The following RBFOX1 variants were observed in gnomAD, a reference collection of about 807,000 sequenced individuals.
RBFOX1 encodes RNA binding fox-1 homolog 1, also known as RNA binding protein fox-1 homolog 1.
Under a neutral mutation model 57.7 loss-of-function variants are expected in RBFOX1, and 8 were observed. The ratio of observed to expected loss-of-function variants is 0.14; its 90% confidence interval spans 0.08 to 0.25. The LOEUF (loss-of-function observed/expected upper bound fraction) is 0.25, where lower values mean the gene tolerates loss of function less well. Ranked by LOEUF, RBFOX1 falls within the 10% of genes least tolerant of loss-of-function variation. RBFOX1 has a pLI of 1.00. For missense variants in RBFOX1, 611 were observed against 548.5 expected (o/e 1.11, Z -1.14); for synonymous variants, 326 against 222.4 (o/e 1.47, Z -4.15).
chr16:7,403,243 C>G (rs778739730), intron 4 of RBFOX1, among the ~76,000 whole-genome samples: 1 of 152,146 alleles, frequency 6.6e-6, no homozygotes, highest in Non-Finnish European at 1.5e-5. Context: ...GGTGAGATCA[C>G]TTAGAATCTA....
At chr16:6,546,449 G>T (rs1157799248) in intron 2 of RBFOX1, among the ~76,000 whole-genome samples, 1 of 152,200 alleles carries the variant, frequency 6.6e-6, no homozygotes, top group Non-Finnish European at 1.5e-5. Flanking sequence ...TCTGAAACCT[G>T]TAAGGGAATT....
At chr16:7,351,714 GC>G (rs1470488158) in intron 4 of RBFOX1, among the ~76,000 whole-genome samples, 1 of 152,014 alleles carries the variant, frequency 6.6e-6, no homozygotes, top group African/African-American at 2.4e-5. Flanking sequence ...ACTCTCCCAT[GC>G]CCTAAATACC....
chr16:7,244,890 C>T (rs752783600), intron 4 of RBFOX1, among the ~76,000 whole-genome samples: 8 of 152,116 alleles, frequency 5.3e-5, no homozygotes, highest in South Asian at 2.1e-4. Flanking sequence ...AGAAAAGCTC[C>T]GTATCCCAAG....
intron 3 of RBFOX1, among the ~76,000 whole-genome samples, chr16:6,807,721 C>G (rs543895023): frequency 6.6e-6 from 1 of 152,094 alleles, no homozygotes; most frequent in East Asian, 1.9e-4. Flanking sequence ...GAGGCTAAGG[C>G]AGAAGAATCA....
chr16:5,683,586 C>T (rs901845179), intron 3 of RBFOX1, among the ~76,000 whole-genome samples: 3 of 152,070 alleles, frequency 2.0e-5, no homozygotes, highest in Admixed American at 6.6e-5. Context: ...CCACATCTTT[C>T]TCCCATGCTG....
At chr16:6,737,048 C>T (rs1479178230) in intron 3 of RBFOX1, among the ~76,000 whole-genome samples, 1 of 152,186 alleles carries the variant, frequency 6.6e-6, no homozygotes, top group African/African-American at 2.4e-5. Flanking sequence ...ATTCAGTGAA[C>T]ATCTACCATG....
intron 4 of RBFOX1, among the ~76,000 whole-genome samples, chr16:5,972,422 C>G (rs1313676720): frequency 6.6e-6 from 1 of 152,162 alleles, no homozygotes; most frequent in Non-Finnish European, 1.5e-5. Flanking sequence ...TGAAAGAAAC[C>G]TCTCATTATG....
At chr16:6,861,486 C>CA (rs2058987770) in intron 3 of RBFOX1, among the ~76,000 whole-genome samples, 1 of 118,902 alleles carries the variant, frequency 8.4e-6, no homozygotes. Context: ...TCCCAACCCC[C>CA]TCCCCCCCCG....
intron 13 of RBFOX1, among the ~76,000 whole-genome samples, chr16:7,666,031 C>A (rs1160805836): frequency 3.9e-5 from 6 of 152,214 alleles, no homozygotes; most frequent in South Asian, 2.1e-4. Flanking sequence ...AATGAGTGAA[C>A]AACCCATATG....
intron 1 of RBFOX1, among the ~76,000 whole-genome samples, chr16:6,252,798 C>G (rs1045634509): frequency 2.6e-5 from 4 of 152,108 alleles, no homozygotes; most frequent in African/African-American, 9.7e-5. Context: ...AGGGAATTAG[C>G]AAACAGTTCC....
At chr16:6,298,987 C>A (rs1472026966) in intron 1 of RBFOX1, among the ~76,000 whole-genome samples, 2 of 152,186 alleles carry the variant, frequency 1.3e-5, no homozygotes, top group Non-Finnish European at 2.9e-5. Context: ...AAAAGAATAT[C>A]AGGATCTTGA....
At chr16:7,299,673 T>A (rs1037892397) in intron 4 of RBFOX1, among the ~76,000 whole-genome samples, 4 of 152,146 alleles carry the variant, frequency 2.6e-5, no homozygotes, top group African/African-American at 9.7e-5. Context: ...AAATGGAGCT[T>A]CTGCAAAATA....
At chr16:7,693,118 T>C (rs1055233180) in intron 14 of RBFOX1, among the ~76,000 whole-genome samples, 85 of 152,150 alleles carry the variant, frequency 5.6e-4, no homozygotes, top group African/African-American at 2.0e-3. Flanking sequence ...TATTCTGACA[T>C]TACCATGACT....
intron 4 of RBFOX1, among the ~76,000 whole-genome samples, chr16:5,892,544 A>G (rs1480704742): frequency 6.6e-6 from 1 of 152,226 alleles, no homozygotes; most frequent in East Asian, 1.9e-4. Context: ...GAGGTCATAA[A>G]GCAATGAGAG....
intron 4 of RBFOX1, among the ~76,000 whole-genome samples, chr16:7,344,932 C>A (rs1433811310): frequency 6.6e-6 from 1 of 152,142 alleles, no homozygotes; most frequent in Non-Finnish European, 1.5e-5. Context: ...CATTTCTGAT[C>A]AGTTTTTCCC....
At chr16:7,616,781 C>A (rs921021253) in intron 10 of RBFOX1, among the ~76,000 whole-genome samples, 1 of 152,068 alleles carries the variant, frequency 6.6e-6, no homozygotes, top group Non-Finnish European at 1.5e-5. Flanking sequence ...ACCCTCCCAC[C>A]TCGGTATTCC....
intron 1 of RBFOX1, among the ~76,000 whole-genome samples, chr16:6,144,854 C>A (rs2096745558): frequency 6.6e-6 from 1 of 152,074 alleles, no homozygotes; most frequent in Non-Finnish European, 1.5e-5. Context: ...GTGAATCATC[C>A]CTCTTATGCA....
intron 3 of RBFOX1, among the ~76,000 whole-genome samples, chr16:5,640,346 C>A (rs1269462320): frequency 2.0e-5 from 3 of 152,122 alleles, no homozygotes; most frequent in Admixed American, 1.3e-4. Context: ...TGCACCTGCA[C>A]ATTGGCACAA....
chr16:7,465,343 C>G (rs1416311660), intron 4 of RBFOX1, among the ~76,000 whole-genome samples: 2 of 152,206 alleles, frequency 1.3e-5, no homozygotes, highest in African/African-American at 2.4e-5. Context: ...CTCTACAAAT[C>G]TGTAGGCGCC....
Sources: gnomAD v4.1 joint callset for allele counts (sites outside exome capture counted in the v4.1 genomes callset) on GRCh38, gnomAD v4.1.1 for gene constraint, MANE v1.5 for transcripts, NCBI Gene and HGNC (gene_info 2026-07-23, HGNC 2026-07-21) for gene names.